Variants in ZNF675 observed in about 807,000 individuals in gnomAD.
ZNF675 encodes zinc finger protein 675.
Under a neutral mutation model 56.1 loss-of-function variants are expected in ZNF675, and 36 were observed. That is an observed-to-expected ratio of 0.64 (90% CI 0.49 to 0.85). The LOEUF is 0.85. ZNF675 is among the 40% of genes least tolerant of loss of function. ZNF675 has a pLI of 0.00. For synonymous variants in ZNF675, 200 were observed against 218.9 expected, an observed-to-expected ratio of 0.91 and a Z score of 0.76; for missense variants, 663 against 654.2, an observed-to-expected ratio of 1.01 and a Z score of -0.15.
intron 1 of ZNF675, among the ~76,000 whole-genome samples, chr19:23,672,212 C>T (rs1417018084): frequency 2.8e-5 from 4 of 143,436 alleles, no homozygotes; most frequent in Admixed American, 2.2e-4. Flanking sequence ...TACTCTACTC[C>T]AGTTAGTTAG....
chr19:23,662,463 GCCACTAAA>G, intron 2 of ZNF675, among the ~76,000 whole-genome samples: 1 of 152,282 alleles, frequency 6.6e-6, no homozygotes, highest in Non-Finnish European at 1.5e-5. Context: ...AATATTTTAT[GCCACTAAA>G]CTTCTGAAAT....
At chr19:23,677,662 C>T (rs963912221) in intron 1 of ZNF675, among the ~76,000 whole-genome samples, 2 of 146,084 alleles carry the variant, frequency 1.4e-5, no homozygotes, top group Non-Finnish European at 3.0e-5. Flanking sequence ...GCCAAAATCA[C>T]ACCACTTGCA....
chr19:23,658,432 A>G (rs1196610667), intron 3 of ZNF675: 1 of 152,062 alleles, frequency 6.6e-6, no homozygotes, highest in African/African-American at 2.4e-5. Context: ...CACCTGTACC[A>G]GAACTTTGGG....
At chr19:23,659,047 G>C (rs1382648426) in intron 3 of ZNF675, among the ~76,000 whole-genome samples, 3 of 149,284 alleles carry the variant, frequency 2.0e-5, no homozygotes, top group African/African-American at 7.3e-5. Flanking sequence ...TGCAGAATAT[G>C]GTTAGAGCGC....
At chr19:23,655,731 C>T (rs994511364) in intron 3 of ZNF675, 1 of 152,146 alleles carries the variant, frequency 6.6e-6, no homozygotes, top group African/African-American at 2.4e-5. Flanking sequence ...CAGACCTGTA[C>T]AAACCTTTTC....
At position 23,653,645 on chromosome 19, in the gene ZNF675, C is replaced by T. The variant is rs1320385081; in HGVS notation, c.1288G>A (p.Gly430Ser). The change falls in exon 4 of 4, where the codon GGC (glycine) becomes AGC (serine). Residue 430 changes from glycine (G) to serine (S), a missense_variant. Gly to Ser is a moderately conservative substitution (Grantham distance 56). Around this residue, in one of 3 missense-constraint regions of ZNF675, gnomAD observed 617 missense variants for 590.5 expected, o/e 1.04. Coordinates refer to ENST00000359788, the MANE Select transcript of ZNF675 (RefSeq NM_138330.3). ...GEKPYKCEEC[G>S]KAFNRSSKLT... ...TTTGAGGATCGGTTAAAAGCTTTGCCACATTCTTCACATTTGTAGGGTTTC... is the reference window on the plus strand; with the variant it reads ...TTTGAGGATCGGTTAAAAGCTTTGCTACATTCTTCACATTTGTAGGGTTTC... The T allele has an allele frequency of 3.1e-6, 5 of 1,613,544 alleles. No homozygotes were observed. Among genetic ancestry groups the T allele is most frequent in the Non-Finnish European group, 4.2e-6 (5 of 1,179,986 alleles).
chr19:23,674,461 G>A (rs1341608418), intron 1 of ZNF675, among the ~76,000 whole-genome samples: 2 of 151,050 alleles, frequency 1.3e-5, no homozygotes, highest in African/African-American at 4.9e-5. Flanking sequence ...TGGCCAACAT[G>A]GGGAAACCAC....
chr19:23,662,676 G>C (rs1418560136), intron 2 of ZNF675, among the ~76,000 whole-genome samples: 1 of 152,104 alleles, frequency 6.6e-6, no homozygotes, highest in Non-Finnish European at 1.5e-5. Context: ...AACCTTTACG[G>C]TATATTAGAA....
intron 1 of ZNF675, among the ~76,000 whole-genome samples, chr19:23,669,557 A>G (rs1968201854): frequency 6.6e-6 from 1 of 152,104 alleles, no homozygotes; most frequent in South Asian, 2.1e-4. Context: ...GTTGCTTTAA[A>G]TGGGATAGAT....
rs1484128586 is a variant in ZNF675 at position 23,653,340 on chromosome 19, A to C, written c.1593T>G (p.Thr531=). ...SKLTEHKIIH[T]GEKPYKCERC... ...TCTCACATTTATAGGGTTTCTCTCC[A>C]GTATGAATTATCTTATGTTCAGTAA... Residue 531 remains threonine, a synonymous_variant, in exon 4 of 4, where the codon ACT becomes ACG. Coordinates refer to ENST00000359788, the MANE Select transcript of ZNF675 (RefSeq NM_138330.3). 6.2e-7 allele frequency: 1 copy of C among 1,613,754 alleles called. No homozygotes were observed. Among genetic ancestry groups the C allele is most frequent in the Non-Finnish European group, 8.5e-7 (1 of 1,179,960 alleles).
chr19:23,666,460 C>T (rs1040685743), intron 1 of ZNF675, among the ~76,000 whole-genome samples: 5 of 152,190 alleles, frequency 3.3e-5, no homozygotes, highest in African/African-American at 1.2e-4. Context: ...CAATGGGAAA[C>T]CTCTAGGGGA....
intron 3 of ZNF675, among the ~76,000 whole-genome samples, chr19:23,659,690 T>C (rs920497796): frequency 6.6e-6 from 1 of 152,142 alleles, no homozygotes; most frequent in Non-Finnish European, 1.5e-5. Context: ...AACTACAGAC[T>C]AGGAAATGGC....
chr19:23,676,962 T>C (rs1968304272), intron 1 of ZNF675, among the ~76,000 whole-genome samples: 1 of 149,034 alleles, frequency 6.7e-6, no homozygotes, highest in Non-Finnish European at 1.5e-5. Context: ...TAGTCCCAGC[T>C]ACTTGGGAGG....
intron 3 of ZNF675, 32 bp downstream of exon 3, chr19:23,662,082 C>T: frequency 6.7e-7 from 1 of 1,497,022 alleles, no homozygotes; most frequent in South Asian, 1.1e-5. Context: ...TCATCAGTGT[C>T]ACCTGTTGTA....
intron 1 of ZNF675, among the ~76,000 whole-genome samples, chr19:23,671,442 C>G (rs1599418904): frequency 6.6e-6 from 1 of 152,146 alleles, no homozygotes; most frequent in Non-Finnish European, 1.5e-5. Flanking sequence ...ATAAAGCCAG[C>G]AGAGACTCTT....
Position 23,653,512 on chromosome 19 carries a change from T to C in ZNF675, c.1421A>G (p.His474Arg). ...SSKLTEHKKI[H>R]SGEIPYKCEE... ...ACACTTGTAGGGTATCTCTCCAGAA[T>C]GAATTTTCTTATGTTCAGTAAGTTT... Residue 474 changes from histidine to arginine, a missense_variant, in exon 4 of 4, where the codon CAT becomes CGT. By Grantham distance (29) the His-to-Arg change is conservative. Transcript: ENST00000359788. 7 of 1,613,408 alleles carry C rather than the reference T, an allele frequency of 4.3e-6. No homozygotes were observed. Among genetic ancestry groups the C allele is most frequent in the Non-Finnish European group, 5.9e-6 (7 of 1,179,858 alleles).
At chr19:23,670,921 A>T (rs8108670) in intron 1 of ZNF675, among the ~76,000 whole-genome samples, 147,841 of 152,190 alleles carry the variant, frequency 0.97, 71,973 homozygotes, top group Middle Eastern at 1. Flanking sequence ...CTCAGGGCAA[A>T]CACTCAGGAC....
intron 1 of ZNF675, among the ~76,000 whole-genome samples, chr19:23,668,375 A>G (rs976447827): frequency 6.6e-6 from 1 of 152,122 alleles, no homozygotes; most frequent in African/African-American, 2.4e-5. Flanking sequence ...ACCCTGAGCT[A>G]GACACAGGGT....
In ZNF675 at chr19:23,653,098, TTA is replaced by T; in HGVS notation, c.*126_*127del. The T allele has an allele frequency of 1.1e-6, 1 of 871,318 alleles. No homozygotes were observed. Among genetic ancestry groups the T allele is most frequent in the Non-Finnish European group, 1.7e-6 (1 of 592,666 alleles). The allele number at this position is 871,318 out of a possible 1,614,324, so 54.0% of individuals were successfully genotyped here. A position where few individuals can be genotyped will look rare whatever the true frequency, so the allele number is the denominator to read the frequency against. The stretch of plus-strand genomic sequence containing the variant: ...CACTTGTAGTTTTCTCCAGTATGAA[TTA>T]TCTTACATACAATGAAGTGTGAAAA... On this transcript the variant is annotated 3_prime_UTR_variant, in exon 4 of 4. Coordinates refer to ENST00000359788, the MANE Select transcript of ZNF675 (RefSeq NM_138330.3).
Sources: allele counts gnomAD v4.1 joint callset (sites outside exome capture counted in the v4.1 genomes callset), GRCh38; gene constraint gnomAD v4.1.1; regional missense constraint gnomAD v4.1.1; transcripts MANE v1.5; gene names NCBI Gene and HGNC (gene_info 2026-07-23, HGNC 2026-07-21).